Variants in SMG7 observed in about 807,000 individuals in gnomAD.
SMG7 encodes SMG7 nonsense mediated mRNA decay factor.
In SMG7, 34 loss-of-function variants were observed where a neutral mutation model predicts 148.2. The observed-to-expected ratio is 0.23, with a 90% CI of 0.17 to 0.31. The LOEUF (loss-of-function observed/expected upper bound fraction) is 0.31. Among genes scored for constraint, SMG7 ranks in the 10% least tolerant of loss-of-function variants. SMG7 has a pLI of 1.00. For synonymous variants in SMG7, 492 were observed against 515.1 expected (o/e 0.96, Z 0.61); for missense variants, 1,114 against 1,408.4 (o/e 0.79, Z 3.35).
intron 2 of SMG7, among the ~76,000 whole-genome samples, chr1:183,514,216 CAAAAAAA>C (rs36125833): frequency 1.0e-4 from 10 of 99,134 alleles, no homozygotes; most frequent in Admixed American, 2.1e-4. Flanking sequence ...GTGAAATTCA[CAAAAAAA>C]AAAAAAAAAA....
chr1:183,544,286 AGGG>A, intron 14 of SMG7, 64 bp from the exon 15 acceptor site: 1 of 1,264,812 alleles, frequency 7.9e-7, no homozygotes, highest in Non-Finnish European at 1.1e-6. Flanking sequence ...TCTTAGGAGT[AGGG>A]TCTTCTTTCT....
At chr1:183,495,435 G>A (rs1287581790) in intron 1 of SMG7, among the ~76,000 whole-genome samples, 2 of 152,156 alleles carry the variant, frequency 1.3e-5, no homozygotes, top group Admixed American at 6.5e-5. Context: ...TTATGTTGAG[G>A]AGGAAGAGAG....
At chr1:183,480,306 T>G (rs1270270092) in intron 1 of SMG7, among the ~76,000 whole-genome samples, 1 of 152,192 alleles carries the variant, frequency 6.6e-6, no homozygotes, top group Non-Finnish European at 1.5e-5. Context: ...CTGTCCTTCT[T>G]TACCTTTGTT....
At chr1:183,477,401 TG>T (rs1652522921) in intron 1 of SMG7, among the ~76,000 whole-genome samples, 1 of 122,672 alleles carries the variant, frequency 8.2e-6, no homozygotes, top group African/African-American at 2.7e-5. Flanking sequence ...TTTTGTTTTG[TG>T]TGTGTGTGTG....
chr1:183,490,988 G>A (rs1656822857), intron 1 of SMG7, among the ~76,000 whole-genome samples: 1 of 152,200 alleles, frequency 6.6e-6, no homozygotes, highest in African/African-American at 2.4e-5. Context: ...GTTTCGCCAT[G>A]TTGGCCAGGC....
intron 1 of SMG7, among the ~76,000 whole-genome samples, chr1:183,482,160 C>T (rs1654291597): frequency 6.6e-6 from 1 of 151,854 alleles, no homozygotes; most frequent in Non-Finnish European, 1.5e-5. Flanking sequence ...GACTACCAGT[C>T]ACATTAGGCC....
chr1:183,492,853 A>G (rs1423607447), intron 1 of SMG7, among the ~76,000 whole-genome samples: 1 of 151,966 alleles, frequency 6.6e-6, no homozygotes, highest in Non-Finnish European at 1.5e-5. Flanking sequence ...TACCTCTCTA[A>G]GCACTGCTTT....
chr1:183,522,744 A>G (rs1054819770), intron 4 of SMG7, among the ~76,000 whole-genome samples: 1 of 151,858 alleles, frequency 6.6e-6, no homozygotes, highest in Non-Finnish European at 1.5e-5. Context: ...GGTTATCCAC[A>G]GTAACATTTT....
chr1:183,550,810 TCTC>T lies in SMG7; in HGVS notation c.3198_3200del (p.Pro1067del), dbSNP rs756268268. On this transcript the variant is annotated inframe_deletion, in exon 21 of 23. Transcript: ENST00000688051. ...CTCTAACCCAAGCAGCCTACCCAGC[TCTC>T]CTCCAACACACAACCATAATTCTGT... 1.2e-6 allele frequency: 2 copies of T among 1,614,118 alleles called. No homozygotes were observed. The highest frequency in any genetic ancestry group is 1.1e-5 in the South Asian group (1 of 91,082).
intron 1 of SMG7, among the ~76,000 whole-genome samples, chr1:183,496,889 G>A (rs1384047788): frequency 1.3e-5 from 2 of 152,182 alleles, no homozygotes; most frequent in Non-Finnish European, 2.9e-5. Context: ...GTGTTGGGCC[G>A]CAGTTAAAGC....
intron 15 of SMG7, 89 bp from the exon 16 acceptor site, chr1:183,544,837 ACTCC>A: frequency 8.8e-7 from 1 of 1,136,990 alleles, no homozygotes; most frequent in Non-Finnish European, 1.3e-6. Context: ...GTGTTAGAAG[ACTCC>A]CTCTACCTAC....
intron 18 of SMG7, among the ~76,000 whole-genome samples, chr1:183,548,418 A>G (rs909838512): frequency 1.3e-5 from 2 of 152,156 alleles, no homozygotes; most frequent in African/African-American, 2.4e-5. Flanking sequence ...CTAATCCCTT[A>G]GTTCCTGTTC....
chr1:183,529,362 G>C (rs1666460084), intron 7 of SMG7, 36 bp from the exon 8 acceptor site: 1 of 1,604,556 alleles, frequency 6.2e-7, no homozygotes, highest in Non-Finnish European at 8.5e-7. Context: ...CCAATTTGCT[G>C]CTTATGATTC....
intron 4 of SMG7, among the ~76,000 whole-genome samples, chr1:183,522,872 T>G (rs1443103747): frequency 2.0e-5 from 3 of 151,992 alleles, no homozygotes; most frequent in African/African-American, 7.2e-5. Flanking sequence ...ACTCCTTGGC[T>G]CAAGTGATCC....
intron 1 of SMG7, chr1:183,502,193 T>C (rs1187591448): frequency 1.8e-6 from 2 of 1,095,716 alleles, no homozygotes; most frequent in Non-Finnish European, 2.4e-6. Context: ...AATAATTTTC[T>C]TCATAGGGGT....
At chr1:183,516,065 C>A in intron 3 of SMG7, 74 bp downstream of exon 3, 1 of 900,850 alleles carries the variant, frequency 1.1e-6, no homozygotes, top group Non-Finnish European at 1.7e-6. Context: ...CAGTTTGGTT[C>A]GTTATTTATT....
rs780872648 is a variant in SMG7 at position 183,542,170 on chromosome 1, C to T, written c.1510C>T (p.Leu504Phe). The T allele has an allele frequency of 1.1e-5, 18 of 1,613,938 alleles. No individual in the cohort carries two copies. The highest frequency in any genetic ancestry group is 1.5e-5 in the Non-Finnish European group (18 of 1,179,972). ...AGACCCCAGTGAAGCCAAAGAGAAC[C>T]TCATTCTGCAAGAAACATCTGTGAT... ...LEDPSEAKEN[L>F]ILQETSVIES... Residue 504 changes from leucine (L) to phenylalanine (F), a missense_variant, in exon 14 of 23, where the codon CTC becomes TTC. Leu to Phe is a conservative substitution (Grantham distance 22, BLOSUM62 0). Coordinates refer to ENST00000688051, the MANE Select transcript of SMG7 (RefSeq NM_001375584.1).
intron 1 of SMG7, chr1:183,473,058 A>C: frequency 4.5e-6 from 1 of 221,170 alleles, no homozygotes; most frequent in East Asian, 9.2e-5. Flanking sequence ...GGTTGGAGCG[A>C]TGCATGAGTA....
chr1:183,506,276 T>G (rs1179073466), intron 1 of SMG7, among the ~76,000 whole-genome samples: 1 of 152,180 alleles, frequency 6.6e-6, no homozygotes, highest in African/African-American at 2.4e-5. Context: ...GTTGGGAGAT[T>G]TGAAAATCCT....
Sources: allele counts gnomAD v4.1 joint callset (sites outside exome capture counted in the v4.1 genomes callset), GRCh38; gene constraint gnomAD v4.1.1; transcripts MANE v1.5; gene names NCBI Gene and HGNC (gene_info 2026-07-23, HGNC 2026-07-21).